GARNL3: variants seen among roughly 807,000 people sequenced by gnomAD.
GARNL3 encodes GTPase activating Rap/RanGAP domain like 3.
Under a neutral mutation model 125.0 loss-of-function variants are expected in GARNL3, and 63 were observed. The observed-to-expected ratio is 0.50, with a 90% CI of 0.41 to 0.62. GARNL3 has a LOEUF of 0.62. Among genes scored for constraint, GARNL3 ranks in the 20% least tolerant of loss-of-function variants. The pLI is 0.00. For missense variants in GARNL3, 994 were observed against 1,244.0 expected (o/e 0.80, Z 3.02); for synonymous variants, 439 against 457.5 (o/e 0.96, Z 0.52).
rs2063711922 is a variant in GARNL3 at position 127,266,642 on chromosome 9, A to G, written c.144+1621A>G. Among the ~76,000 whole-genome samples, 1 of 152,172 alleles carries G rather than the reference A, an allele frequency of 6.6e-6. No homozygotes were observed. Among genetic ancestry groups the G allele is most frequent in the African/African-American group, 2.4e-5 (1 of 41,448 alleles). ...TAAAATGGGGATATTTCTGTTATCTACCTTAGAGGGTTGTTATGAGGATTA... is the reference window on the plus strand; with the variant it reads ...TAAAATGGGGATATTTCTGTTATCTGCCTTAGAGGGTTGTTATGAGGATTA... On this transcript the variant is annotated intron_variant, in intron 1 of 27. Coordinates refer to ENST00000373387, the MANE Select transcript of GARNL3 (RefSeq NM_032293.5). The surrounding 1 kb of genome is among the most constrained non-coding windows in gnomAD (Gnocchi z 4.0).
chr9:127,247,046 G>T (rs970086450), intron 2 of GARNL3, among the ~76,000 whole-genome samples: 1 of 150,558 alleles, frequency 6.6e-6, no homozygotes, highest in Admixed American at 6.7e-5. Context: ...CTCTTTCAGC[G>T]CATTTTTGAG....
intron 1 of GARNL3, among the ~76,000 whole-genome samples, chr9:127,227,780 C>A (rs182414700): frequency 6.6e-6 from 1 of 151,978 alleles, no homozygotes; most frequent in Admixed American, 6.6e-5. Context: ...ATTAGCCAGG[C>A]ATGGTGGCAC....
Position 127,332,259 on chromosome 9 carries a change from T to A in GARNL3, c.595-15T>A, listed in dbSNP as rs1226332077. Reference sequence around the variant, plus strand: ...TGATAAAATTAACTGTAACACCTTTTGTTATTATCCTAAGGGCTCTGTGAA... The same window carrying A: ...TGATAAAATTAACTGTAACACCTTTAGTTATTATCCTAAGGGCTCTGTGAA... On this transcript the variant is annotated splice_polypyrimidine_tract_variant and intron_variant, in intron 7 of 27. Coordinates refer to ENST00000373387, the MANE Select transcript of GARNL3 (RefSeq NM_032293.5). 6.9e-6 allele frequency: 11 copies of A among 1,602,292 alleles called. No homozygotes were observed. Among genetic ancestry groups the A allele is most frequent in the Non-Finnish European group, 9.4e-6 (11 of 1,169,332 alleles).
chr9:127,391,498 G>T (rs1389204918), intron 27 of GARNL3, among the ~76,000 whole-genome samples: 1 of 94,276 alleles, frequency 1.1e-5, no homozygotes, highest in Non-Finnish European at 2.5e-5. Context: ...ATCCCAGCCT[G>T]GGCAACACAG....
At chr9:127,231,592 A>G (rs1199598879) in intron 1 of GARNL3, among the ~76,000 whole-genome samples, 1 of 152,174 alleles carries the variant, frequency 6.6e-6, no homozygotes, top group African/African-American at 2.4e-5. Context: ...AGATCAAATA[A>G]TCTCAACTTT....
intron 1 of GARNL3, among the ~76,000 whole-genome samples, chr9:127,228,204 C>T (rs2062946071): frequency 6.6e-6 from 1 of 152,164 alleles, no homozygotes; most frequent in Non-Finnish European, 1.5e-5. Flanking sequence ...TTATTGGACA[C>T]ATGTAGTTTA....
chr9:127,352,628 A>G (rs1377972927), intron 17 of GARNL3, among the ~76,000 whole-genome samples: 1 of 152,186 alleles, frequency 6.6e-6, no homozygotes, highest in African/African-American at 2.4e-5. Flanking sequence ...GGAACAAGAG[A>G]CAAGCCCTAG....
At chr9:127,359,252 G>C (rs1027927101) in intron 21 of GARNL3, among the ~76,000 whole-genome samples, 1 of 152,154 alleles carries the variant, frequency 6.6e-6, no homozygotes, top group Non-Finnish European at 1.5e-5. Context: ...CACTTTGGGC[G>C]GCCAAGGCCG....
chr9:127,362,055 C>G (rs563706279), intron 21 of GARNL3: 12 of 150,306 alleles, frequency 8.0e-5, no homozygotes, highest in African/African-American at 2.5e-4. Context: ...TTGGAAGGGG[C>G]TCTTCATTTC....
chr9:127,385,044 C>A lies in GARNL3; in HGVS notation c.2287C>A (p.Leu763Ile), dbSNP rs1271321206. 2.5e-6 allele frequency: 4 copies of A among 1,610,526 alleles called. No individual in the cohort carries two copies. The African/African-American group carries it at 5.3e-5, about 22-fold the overall frequency. ...CCTTGCAGTCTGTGCTTTCCCGTAT[C>A]TCCTGGCCTTCACCACCGACTCCAT... Reference protein sequence around the residue: ...PYAIVCAFPYLLAFTTDSMEI... With the variant: ...PYAIVCAFPYILAFTTDSMEI... The change falls in exon 24 of 28, where the codon CTC (leucine) becomes ATC (isoleucine). Residue 763 changes from leucine to isoleucine, a missense_variant. Physicochemically the swap from Leu to Ile is conservative, Grantham distance 5. Transcript: ENST00000373387. This position sits in a 1 kb window ranked among gnomAD's most constrained non-coding sequence, Gnocchi z 4.1.
At chr9:127,317,846 G>C (rs1170306566) in intron 4 of GARNL3, among the ~76,000 whole-genome samples, 1 of 152,210 alleles carries the variant, frequency 6.6e-6, no homozygotes, top group Non-Finnish European at 1.5e-5. Flanking sequence ...TGAAGGCCAT[G>C]CTGAAATCCA....
chr9:127,309,492 C>A (rs985131084), intron 2 of GARNL3, among the ~76,000 whole-genome samples: 2 of 152,102 alleles, frequency 1.3e-5, no homozygotes, highest in African/African-American at 2.4e-5. Flanking sequence ...GGTAACATAA[C>A]CCTGAAAGCA....
chr9:127,326,969 A>G (rs2065593625), intron 7 of GARNL3, among the ~76,000 whole-genome samples: 1 of 152,172 alleles, frequency 6.6e-6, no homozygotes, highest in Non-Finnish European at 1.5e-5. Flanking sequence ...TAAGCCACCC[A>G]GTCTATGGTA....
At chr9:127,297,792 A>G (rs1158503527) in intron 2 of GARNL3, among the ~76,000 whole-genome samples, 1 of 152,220 alleles carries the variant, frequency 6.6e-6, no homozygotes, top group Non-Finnish European at 1.5e-5. Context: ...CCAGATTGTA[A>G]TTTGCATGGC....
upstream of GARNL3, among the ~76,000 whole-genome samples, chr9:127,259,854 G>T (rs2131242145): frequency 6.6e-6 from 1 of 151,838 alleles, no homozygotes; most frequent in East Asian, 1.9e-4. Flanking sequence ...TGGACACATT[G>T]TGAGACCCCC....
chr9:127,360,825 C>G (rs559632311), intron 21 of GARNL3, among the ~76,000 whole-genome samples: 34 of 152,334 alleles, frequency 2.2e-4, no homozygotes, highest in African/African-American at 7.9e-4. Flanking sequence ...CTTGTACCCA[C>G]CCCGGGTTCT....
At chr9:127,270,886 C>CTGCAACCTCTGCCTCCCAGGTTCAAG (rs2063808100) in intron 1 of GARNL3, among the ~76,000 whole-genome samples, 11 of 141,326 alleles carry the variant, frequency 7.8e-5, no homozygotes, top group African/African-American at 2.9e-4. Context: ...CTGTTGGCCA[C>CTGCAACCTCTGCCTCCCAGGTTCAAG]CGTGGTCTCT....
intron 1 of GARNL3, among the ~76,000 whole-genome samples, chr9:127,287,415 A>G (rs2064282412): frequency 6.6e-6 from 1 of 152,178 alleles, no homozygotes; most frequent in African/African-American, 2.4e-5. Flanking sequence ...ATAGAAAGAA[A>G]ATGGACAGAG....
intron 13 of GARNL3, among the ~76,000 whole-genome samples, chr9:127,341,589 A>G (rs1829861561): frequency 6.6e-6 from 1 of 152,172 alleles, no homozygotes. Flanking sequence ...GGAAGCTGAA[A>G]GGGTGTTGGC....
Sources: gnomAD v4.1 joint callset for allele counts (sites outside exome capture counted in the v4.1 genomes callset) on GRCh38, gnomAD v4.1.1 for gene constraint, Gnocchi (gnomAD v3.1) non-coding constraint, MANE v1.5 for transcripts, NCBI Gene and HGNC (gene_info 2026-07-23, HGNC 2026-07-21) for gene names.